DNA2: variants seen among roughly 807,000 people sequenced by gnomAD.
DNA2 encodes the protein DNA replication ATP-dependent helicase/nuclease DNA2.
In DNA2, 101 loss-of-function variants were observed where a neutral mutation model predicts 119.1. That is an observed-to-expected ratio of 0.85 (90% CI 0.72 to 1.00). The LOEUF is 1.00. Among genes scored for constraint, DNA2 ranks in the 50% least tolerant of loss-of-function variants. The pLI is 0.00. For synonymous variants in DNA2, 366 were observed against 424.4 expected (o/e 0.86, Z 1.69); for missense variants, 1,121 against 1,255.5 (o/e 0.89, Z 1.62).
upstream of DNA2, chr10:68,471,987 G>T (rs201678429): frequency 1.9e-6 from 3 of 1,611,282 alleles, no homozygotes; most frequent in African/African-American, 4.0e-5. Flanking sequence ...CCAACCCGCA[G>T]ATGTCCCAAA....
rs1478463168 is a variant in DNA2, at chr10:68,443,099, T to C, written c.1233A>G (p.Gln411=). 4 of 1,567,002 alleles carry C rather than the reference T, an allele frequency of 2.6e-6. No homozygotes were observed. Among genetic ancestry groups the C allele is most frequent in the South Asian group, 2.4e-5 (2 of 84,998 alleles). ...NCALYSRAVE[Q]QMDCSSVPIV... Reference sequence around the variant, plus strand: ...TTGGGACTGAACTACAATCCATCTGTTGTTCAACTGCTCTAAATATAAAGT... The same window carrying C: ...TTGGGACTGAACTACAATCCATCTGCTGTTCAACTGCTCTAAATATAAAGT... The change falls in exon 9 of 21, where the codon CAA becomes CAG. Residue 411 remains glutamine (Q), a synonymous_variant. Transcript: ENST00000358410.
At chr10:68,425,808 TC>T (rs1564879277) in intron 14 of DNA2, among the ~76,000 whole-genome samples, 1 of 149,632 alleles carries the variant, frequency 6.7e-6, no homozygotes, top group African/African-American at 2.5e-5. Flanking sequence ...GTTTCATAAT[TC>T]AAAAAAAAAA....
chr10:68,471,183 A>G (rs1452202188), intron 1 of DNA2, among the ~76,000 whole-genome samples: 1 of 152,098 alleles, frequency 6.6e-6, no homozygotes, highest in Non-Finnish European at 1.5e-5. Flanking sequence ...ATCTTTTGTT[A>G]CCTGACCGTA....
At position 68,414,527 on chromosome 10, in the gene DNA2, A is replaced by G. The variant is rs1484457412; in HGVS notation, c.*512T>C. The G allele has an allele frequency of 6.6e-6, 1 of 152,258 alleles. No homozygotes were observed. The highest frequency in any genetic ancestry group is 1.5e-5 in the Non-Finnish European group (1 of 68,066). 9.4% of individuals were successfully genotyped at this position (152,258 alleles called of 1,614,324 possible). On this transcript the variant is annotated 3_prime_UTR_variant, in exon 21 of 21. Coordinates refer to ENST00000358410, the MANE Select transcript of DNA2 (RefSeq NM_001080449.3). ...AAAAAGGAGGATAGTAAGGGAGGAT[A>G]GAAAATTAACAGGAAGTAATCAATT...
At chr10:68,464,373 G>T (rs1415490312) in intron 4 of DNA2, among the ~76,000 whole-genome samples, 2 of 151,968 alleles carry the variant, frequency 1.3e-5, no homozygotes, top group Non-Finnish European at 2.9e-5. Context: ...AAATTAGCCG[G>T]GTGTGGTGGC....
rs1352521824 is a variant in DNA2, at chr10:68,422,580, T to C, written c.2427A>G (p.Leu809=). The C allele has an allele frequency of 2.5e-6, 4 of 1,614,030 alleles. No individual in the cohort carries two copies. The highest frequency in any genetic ancestry group is 3.3e-5 in the Admixed American group (2 of 60,020). ...TCTTATTCTGCTCCAGCCTCTTGAA[T>C]AAGCTTTCACTCATGCCAAGAGCTC... The part of the protein sequence containing the change: ...EARALGMSES[L]FKRLEQNKSA... Residue 809 remains leucine (L), a synonymous_variant, in exon 16 of 21, where the codon TTA becomes TTG. Coordinates refer to ENST00000358410, the MANE Select transcript of DNA2 (RefSeq NM_001080449.3).
intron 14 of DNA2, chr10:68,425,058 G>T: frequency 5.5e-6 from 2 of 366,642 alleles, no homozygotes; most frequent in South Asian, 3.0e-5. Flanking sequence ...GTGTTTCTTT[G>T]GAACTTTTCA....
intron 14 of DNA2, among the ~76,000 whole-genome samples, chr10:68,429,347 C>G (rs1488316180): frequency 6.6e-6 from 1 of 151,572 alleles, no homozygotes; most frequent in Admixed American, 6.6e-5. Context: ...GAGTGCGAGA[C>G]CAGCCTGACC....
chr10:68,416,915 C>A, intron 19 of DNA2, 60 bp from the exon 20 acceptor site: 2 of 1,406,022 alleles, frequency 1.4e-6, no homozygotes, highest in Non-Finnish European at 1.9e-6. Context: ...TATATTACAA[C>A]ACATCCCTAC....
intron 5 of DNA2, among the ~76,000 whole-genome samples, chr10:68,452,844 A>G (rs983946836): frequency 1.4e-5 from 2 of 145,458 alleles, no homozygotes; most frequent in Non-Finnish European, 3.0e-5. Context: ...TTCGCCTCCC[A>G]AAGTGCTGGG....
chr10:68,445,206 T>A, intron 7 of DNA2, 123 bp from the exon 8 acceptor site: 1 of 904,600 alleles, frequency 1.1e-6, no homozygotes, highest in Non-Finnish European at 1.6e-6. Flanking sequence ...GGCTTACGCC[T>A]GTAATCCCAA....
chr10:68,471,514 C>T (rs577842406), intron 1 of DNA2, among the ~76,000 whole-genome samples: 1 of 152,272 alleles, frequency 6.6e-6, no homozygotes, highest in Non-Finnish European at 1.5e-5. Context: ...TAAAAACATT[C>T]CAGTGGCCGA....
chr10:68,456,733 G>T (rs2052186883), intron 5 of DNA2, among the ~76,000 whole-genome samples: 1 of 151,150 alleles, frequency 6.6e-6, no homozygotes, highest in Admixed American at 6.6e-5. Flanking sequence ...AAATTTTTTA[G>T]ATCACAAAAT....
rs193299918 is a variant in DNA2 at position 68,422,433 on chromosome 10, A to C, written c.2493-4T>G. ...ATTACTTAAGGACATAATTTTACTA[A>C]GGGAATTACAAAAGATAACTTTAGT... On this transcript the variant is annotated splice_polypyrimidine_tract_variant and splice_region_variant and intron_variant, in intron 16 of 20. Transcript: ENST00000358410. 1.9e-6 allele frequency: 3 copies of C among 1,613,104 alleles called. No individual in the cohort carries two copies. Among genetic ancestry groups the C allele is most frequent in the East Asian group, 4.5e-5 (2 of 44,882 alleles).
chr10:68,422,060 G>A (rs893931437), intron 17 of DNA2, among the ~76,000 whole-genome samples, 165 bp downstream of exon 17: 5 of 152,182 alleles, frequency 3.3e-5, no homozygotes, highest in East Asian at 1.9e-4. Context: ...TGATCTGCCC[G>A]CCTTGGCCTC....
At position 68,471,907 on chromosome 10, in the gene DNA2, G is replaced by C. The variant is rs1452219277; in HGVS notation, c.-43C>G. The C allele has an allele frequency of 6.2e-7, 1 of 1,613,874 alleles. No individual in the cohort carries two copies. The highest frequency in any genetic ancestry group is 1.1e-5 in the South Asian group (1 of 91,078). On this transcript the variant is annotated 5_prime_UTR_variant, in exon 1 of 21. Coordinates refer to ENST00000358410, the MANE Select transcript of DNA2 (RefSeq NM_001080449.3). ...CAAACTGTAGACAGAAAAGACAGCG[G>C]AACCGGGGGTAACACAGAAAGCTTA...
Position 68,470,107 on chromosome 10 carries a change from TC to T in DNA2, c.130del (p.Asp44IlefsTer31). On this transcript the variant is annotated frameshift_variant, in exon 2 of 21. Transcript: ENST00000358410. LOFTEE classifies it high-confidence loss of function. The stretch of plus-strand genomic sequence containing the variant: ...GACTGCCAACACCAGGTACCGGTTA[TC>T]CATTCCTGTGCTCAGAACTGTTCTT... ...FPRTVLSTGM[D>X]NRYLVLAVNT... 3 of 1,613,488 alleles carry T rather than the reference TC, an allele frequency of 1.9e-6. No homozygotes were observed. The highest frequency in any genetic ancestry group is 2.5e-6 in the Non-Finnish European group (3 of 1,179,820).
At position 68,444,705 on chromosome 10, in the gene DNA2, C is replaced by G. The variant is rs557717525; in HGVS notation, c.1220+216G>C. On this transcript the variant is annotated intron_variant, in intron 8 of 20. Coordinates refer to ENST00000358410, the MANE Select transcript of DNA2 (RefSeq NM_001080449.3). ...CACCATTGCACTCCAGCCTGGGCCACAAGAGCAAAAAGTCCGTCTCAAAAA... is the reference window on the plus strand; with the variant it reads ...CACCATTGCACTCCAGCCTGGGCCAGAAGAGCAAAAAGTCCGTCTCAAAAA... 2.0e-4 allele frequency among the ~76,000 whole-genome samples: 19 copies of G among 93,802 alleles called. No homozygotes were observed. The East Asian group carries it at 3.1e-3, about 15-fold the overall frequency. The allele number at this position is 93,802 out of a possible 152,430, so 61.5% of individuals were successfully genotyped here.
Position 68,437,122 on chromosome 10 carries a change from A to C in DNA2, c.1535T>G (p.Leu512Arg). 7 of 1,613,952 alleles carry C rather than the reference A, an allele frequency of 4.3e-6. No individual in the cohort carries two copies. Among genetic ancestry groups the C allele is most frequent in the Non-Finnish European group, 5.9e-6 (7 of 1,179,858 alleles). Residue 512 changes from leucine to arginine, a missense_variant, in exon 10 of 21, where the codon CTA becomes CGA. Transcript: ENST00000358410. ...CKHGAIPVTN[L>R]MAGDRVIVSG... The stretch of plus-strand genomic sequence containing the variant: ...TACAATAACTCTGTCACCTGCCATT[A>C]GATTTGTGACAGGTATGGCACCATG...
Sources: gnomAD v4.1 joint callset for allele counts (sites outside exome capture counted in the v4.1 genomes callset) on GRCh38, gnomAD v4.1.1 for gene constraint, MANE v1.5 for transcripts, NCBI Gene and HGNC (gene_info 2026-07-23, HGNC 2026-07-21) for gene names.